Variants in ZNF521 observed in about 807,000 individuals in gnomAD.
ZNF521 encodes LYST-interacting protein 3.
A neutral mutation model predicts 105.5 loss-of-function variants in ZNF521; 14 were observed. That is an observed-to-expected ratio of 0.13 (90% CI 0.09 to 0.21). The LOEUF is 0.21. ZNF521 is among the 10% of genes least tolerant of loss of function. ZNF521 has a pLI of 1.00. For missense variants in ZNF521, 1,233 were observed against 1,629.7 expected, an observed-to-expected ratio of 0.76 and a Z score of 4.19; for synonymous variants, 635 against 606.0, an observed-to-expected ratio of 1.05 and a Z score of -0.70.
chr18:25,249,203 G>A (rs1907934640), intron 3 of ZNF521, among the ~76,000 whole-genome samples: 1 of 151,442 alleles, frequency 6.6e-6, no homozygotes, highest in African/African-American at 2.4e-5. Flanking sequence ...GAGTGCAGTG[G>A]TGCAATCTCG....
intron 5 of ZNF521, among the ~76,000 whole-genome samples, chr18:25,185,908 A>G (rs1030731301): frequency 3.3e-5 from 5 of 152,196 alleles, no homozygotes; most frequent in Admixed American, 3.3e-4. Context: ...TGGCTTTGCT[A>G]AAAGGAAAAG....
intron 3 of ZNF521, among the ~76,000 whole-genome samples, chr18:25,270,770 C>T (rs772798957): frequency 8.5e-5 from 13 of 152,196 alleles, no homozygotes; most frequent in South Asian, 2.1e-4. Flanking sequence ...ATTGATGGAA[C>T]GTATCTCAAA....
chr18:25,185,951 A>G (rs1352424403), intron 5 of ZNF521, among the ~76,000 whole-genome samples: 1 of 152,224 alleles, frequency 6.6e-6, no homozygotes, highest in Non-Finnish European at 1.5e-5. Context: ...TTTGGACAAT[A>G]TAAACAGGCT....
At chr18:25,322,338 A>C in intron 2 of ZNF521, 151 bp from the exon 3 acceptor site, 1 of 813,382 alleles carries the variant, frequency 1.2e-6, no homozygotes, top group Non-Finnish European at 2.2e-6. Context: ...GGAGAATCAA[A>C]AGTGAGCCTC....
At chr18:25,291,841 A>C (rs1439072274) in intron 3 of ZNF521, among the ~76,000 whole-genome samples, 1 of 152,190 alleles carries the variant, frequency 6.6e-6, no homozygotes, top group Non-Finnish European at 1.5e-5. Context: ...TACAATAATC[A>C]ACACCCTCTC....
At chr18:25,153,738 C>T (rs892805670) in intron 5 of ZNF521, among the ~76,000 whole-genome samples, 1 of 152,212 alleles carries the variant, frequency 6.6e-6, no homozygotes, top group Non-Finnish European at 1.5e-5. Flanking sequence ...GATCGTCTAA[C>T]ACTTCAAAGG....
chr18:25,075,775 C>T (rs1035885855), intron 7 of ZNF521, among the ~76,000 whole-genome samples: 5 of 152,298 alleles, frequency 3.3e-5, no homozygotes, highest in Non-Finnish European at 7.4e-5. Flanking sequence ...AATCCACGCA[C>T]GGCGCAGGAG....
chr18:25,347,910 C>A (rs1914532719), intron 2 of ZNF521, among the ~76,000 whole-genome samples: 1 of 152,160 alleles, frequency 6.6e-6, no homozygotes. Context: ...TACTAGTATG[C>A]ATGTAAGACA....
intron 3 of ZNF521, among the ~76,000 whole-genome samples, chr18:25,240,479 T>G (rs758341917): frequency 3.9e-5 from 6 of 152,172 alleles, no homozygotes; most frequent in Non-Finnish European, 8.8e-5. Flanking sequence ...TATGCCTGAA[T>G]GCTTGCCCAC....
intron 2 of ZNF521, among the ~76,000 whole-genome samples, chr18:25,336,784 C>A (rs964081393): frequency 2.0e-5 from 3 of 152,132 alleles, no homozygotes; most frequent in African/African-American, 7.2e-5. Context: ...TCAACCACAG[C>A]AAGAAGGAAC....
At chr18:25,147,868 C>A (rs990280698) in intron 5 of ZNF521, among the ~76,000 whole-genome samples, 8 of 152,130 alleles carry the variant, frequency 5.3e-5, no homozygotes, top group African/African-American at 1.9e-4. Flanking sequence ...CTTTTTATTG[C>A]TTTATTCTGA....
At chr18:25,256,866 A>T (rs1387595342) in intron 3 of ZNF521, among the ~76,000 whole-genome samples, 1 of 152,092 alleles carries the variant, frequency 6.6e-6, no homozygotes, top group Non-Finnish European at 1.5e-5. Flanking sequence ...ATCTCACAGA[A>T]GGACAGGTGG....
intron 5 of ZNF521, among the ~76,000 whole-genome samples, chr18:25,167,398 A>T (rs1049344322): frequency 6.6e-6 from 1 of 152,210 alleles, no homozygotes; most frequent in Non-Finnish European, 1.5e-5. Context: ...TAAAGGTAAA[A>T]TACTCCAAAA....
At chr18:25,064,886 T>C (rs955386986) in intron 7 of ZNF521, among the ~76,000 whole-genome samples, 13 of 152,244 alleles carry the variant, frequency 8.5e-5, no homozygotes, top group African/African-American at 2.9e-4. Flanking sequence ...CATATCTTAA[T>C]AGTCCCAGCC....
intron 7 of ZNF521, among the ~76,000 whole-genome samples, chr18:25,088,723 A>AT (rs11414993): frequency 0.44 from 66,838 of 151,810 alleles, 15,239 homozygotes; most frequent in Admixed American, 0.53. Flanking sequence ...TCTCTGACTC[A>AT]TTTTTTTTAA....
intron 3 of ZNF521, among the ~76,000 whole-genome samples, chr18:25,297,544 G>A (rs1004289568): frequency 2.6e-5 from 4 of 151,954 alleles, no homozygotes; most frequent in African/African-American, 2.4e-5. Context: ...AAATGAATGC[G>A]AATACCACTA....
At chr18:25,301,632 T>C (rs1600278298) in intron 3 of ZNF521, among the ~76,000 whole-genome samples, 2 of 152,320 alleles carry the variant, frequency 1.3e-5, no homozygotes, top group South Asian at 2.1e-4. Context: ...AGCTCTCACA[T>C]TGCTGGCAGA....
chr18:25,062,780 A>AAAAAAAAG, intron 7 of ZNF521, 39 bp from the exon 8 acceptor site: 1 of 1,403,260 alleles, frequency 7.1e-7, no homozygotes, highest in Non-Finnish European at 9.5e-7. Context: ...AAAAAAAAAA[A>AAAAAAAAG]AAAAAGAGAA....
intron 3 of ZNF521, among the ~76,000 whole-genome samples, chr18:25,291,033 T>C (rs1415700970): frequency 6.6e-6 from 1 of 152,150 alleles, no homozygotes; most frequent in Non-Finnish European, 1.5e-5. Flanking sequence ...GGAACTACTG[T>C]TACAGAGGAC....
Sources: allele counts gnomAD v4.1 joint callset (sites outside exome capture counted in the v4.1 genomes callset), GRCh38; gene constraint gnomAD v4.1.1; transcripts MANE v1.5; gene names NCBI Gene and HGNC (gene_info 2026-07-23, HGNC 2026-07-21).